Variants in RAD51B observed in about 807,000 individuals in gnomAD.
The protein encoded by RAD51B is DNA repair protein RAD51 homolog 2.
A neutral mutation model predicts 42.2 loss-of-function variants in RAD51B; 38 were observed. The observed-to-expected ratio is 0.90, with a 90% CI of 0.70 to 1.18. The LOEUF is 1.18. Among genes scored for constraint, RAD51B ranks in the 50% most tolerant of loss-of-function variants. RAD51B has a pLI of 0.00. For missense variants in RAD51B, 373 were observed against 400.7 expected (o/e 0.93, Z 0.59); for synonymous variants, 154 against 145.2 (o/e 1.06, Z -0.43).
chr14:68,242,407 G>C (rs2080408507), intron 7 of RAD51B, among the ~76,000 whole-genome samples: 1 of 152,184 alleles, frequency 6.6e-6, no homozygotes, highest in Admixed American at 6.5e-5. Flanking sequence ...CCCTGTGCAG[G>C]TTGTAGACCC....
intron 8 of RAD51B, among the ~76,000 whole-genome samples, chr14:68,380,504 C>G (rs1456609671): frequency 6.6e-6 from 1 of 152,156 alleles, no homozygotes; most frequent in Non-Finnish European, 1.5e-5. Context: ...CTCAGGATGT[C>G]AGTGTGTGTG....
At chr14:67,833,353 G>C (rs2041120919) in intron 3 of RAD51B, among the ~76,000 whole-genome samples, 2 of 152,162 alleles carry the variant, frequency 1.3e-5, no homozygotes, top group Non-Finnish European at 2.9e-5. Flanking sequence ...TCCAGCCTGG[G>C]TGACAGAGTG....
chr14:68,285,175 A>C (rs1311180061), intron 7 of RAD51B, among the ~76,000 whole-genome samples: 7 of 152,130 alleles, frequency 4.6e-5, no homozygotes, highest in Non-Finnish European at 1.5e-5. Flanking sequence ...GGACCTGAAC[A>C]ATTTCTCACA....
At chr14:68,313,208 G>A (rs977079477) in intron 8 of RAD51B, among the ~76,000 whole-genome samples, 33 of 152,112 alleles carry the variant, frequency 2.2e-4, no homozygotes. Context: ...TGTGGGGGCC[G>A]TCCCATCTGC....
chr14:67,913,295 A>AT (rs1211247803), intron 7 of RAD51B, among the ~76,000 whole-genome samples: 7 of 152,114 alleles, frequency 4.6e-5, no homozygotes, highest in Non-Finnish European at 8.8e-5. Context: ...GTATAAAGAG[A>AT]TTTTGACTTA....
At chr14:68,351,551 G>A (rs2082788987) in intron 8 of RAD51B, among the ~76,000 whole-genome samples, 1 of 152,170 alleles carries the variant, frequency 6.6e-6, no homozygotes, top group Admixed American at 6.5e-5. Flanking sequence ...CCTCAAAGGA[G>A]AGGGGTACAT....
chr14:68,262,394 C>T (rs1171640455), intron 7 of RAD51B, among the ~76,000 whole-genome samples: 3 of 152,182 alleles, frequency 2.0e-5, no homozygotes, highest in Non-Finnish European at 2.9e-5. Flanking sequence ...CCCCTCTTCT[C>T]ACCCACCCTA....
intron 10 of RAD51B, among the ~76,000 whole-genome samples, chr14:68,590,651 G>A (rs193190676): frequency 1.5e-3 from 236 of 152,278 alleles, no homozygotes; most frequent in Non-Finnish European, 2.0e-3. Flanking sequence ...CTTAAATGTT[G>A]ATACCACCTG....
At chr14:68,398,744 A>T (rs1594780704) in intron 8 of RAD51B, among the ~76,000 whole-genome samples, 1 of 152,182 alleles carries the variant, frequency 6.6e-6, no homozygotes, top group Non-Finnish European at 1.5e-5. Flanking sequence ...CTCCAGAATG[A>T]TGTCTTCTGA....
intron 8 of RAD51B, among the ~76,000 whole-genome samples, chr14:68,319,890 A>C (rs1484010802): frequency 6.6e-6 from 1 of 152,204 alleles, no homozygotes. Flanking sequence ...GCCTGAGTTC[A>C]TACTGCCTTC....
At chr14:68,431,447 C>A (rs2085003816) in intron 9 of RAD51B, among the ~76,000 whole-genome samples, 1 of 152,114 alleles carries the variant, frequency 6.6e-6, no homozygotes, top group African/African-American at 2.4e-5. Context: ...TTAGTCTATT[C>A]AGGGATTCAA....
intron 8 of RAD51B, among the ~76,000 whole-genome samples, chr14:68,394,902 C>G (rs1030298049): frequency 2.0e-5 from 3 of 152,314 alleles, no homozygotes; most frequent in Non-Finnish European, 2.9e-5. Context: ...TCCAGCCCCC[C>G]TCACCCCCGC....
At chr14:67,912,940 G>A (rs1453624483) in intron 7 of RAD51B, among the ~76,000 whole-genome samples, 3 of 152,078 alleles carry the variant, frequency 2.0e-5, no homozygotes, top group Non-Finnish European at 4.4e-5. Flanking sequence ...TCCTGACCTT[G>A]TAATCTGCCC....
chr14:67,999,577 A>T (rs561001543), intron 7 of RAD51B, among the ~76,000 whole-genome samples: 2 of 152,324 alleles, frequency 1.3e-5, no homozygotes, highest in East Asian at 3.9e-4. Flanking sequence ...CAACTCCATG[A>T]CTTACTATTG....
At chr14:68,021,448 G>C (rs1461275361) in intron 7 of RAD51B, among the ~76,000 whole-genome samples, 1 of 152,156 alleles carries the variant, frequency 6.6e-6, no homozygotes, top group Non-Finnish European at 1.5e-5. Flanking sequence ...TATCTTCACT[G>C]TCACAGGGTC....
chr14:68,344,545 G>C (rs1197449037), intron 8 of RAD51B, among the ~76,000 whole-genome samples: 1 of 152,170 alleles, frequency 6.6e-6, no homozygotes. Flanking sequence ...TACTCGGGAA[G>C]CTGAGGCAGG....
At chr14:68,041,963 T>G (rs1351728707) in intron 7 of RAD51B, among the ~76,000 whole-genome samples, 2 of 152,170 alleles carry the variant, frequency 1.3e-5, no homozygotes, top group East Asian at 3.8e-4. Context: ...AGCAATCTTC[T>G]GGAAACAGTC....
intron 8 of RAD51B, among the ~76,000 whole-genome samples, chr14:68,389,140 G>A (rs189291698): frequency 2.0e-5 from 3 of 152,166 alleles, no homozygotes; most frequent in Admixed American, 2.0e-4. Context: ...AGTATAATAT[G>A]TAAACAAAAA....
chr14:68,526,812 C>G (rs538053860), intron 10 of RAD51B, among the ~76,000 whole-genome samples: 1 of 152,256 alleles, frequency 6.6e-6, no homozygotes, highest in South Asian at 2.1e-4. Context: ...GTTCTTAGGT[C>G]CCCGAAAGTG....
Sources: gnomAD v4.1 joint callset for allele counts (sites outside exome capture counted in the v4.1 genomes callset) on GRCh38, gnomAD v4.1.1 for gene constraint, MANE v1.5 for transcripts, NCBI Gene and HGNC (gene_info 2026-07-23, HGNC 2026-07-21) for gene names.